Variants in GON4L observed in about 807,000 individuals in gnomAD.
GON4L encodes the protein gon-4 like, also known as GON-4-like protein.
GON4L carries 87 observed loss-of-function variants against 211.8 expected under a neutral mutation model. The observed-to-expected ratio is 0.41, with a 90% CI of 0.35 to 0.49. GON4L has a LOEUF of 0.49. Ranked by LOEUF, GON4L falls within the 20% of genes least tolerant of loss-of-function variation. The pLI, the probability that GON4L is intolerant of heterozygous loss-of-function variation, is 0.15. For missense variants in GON4L, 2,155 were observed against 2,659.5 expected (o/e 0.81, Z 4.17); for synonymous variants, 875 against 962.6 (o/e 0.91, Z 1.68).
At chr1:155,790,454 C>A (rs1390275418) in intron 12 of GON4L, among the ~76,000 whole-genome samples, 1 of 149,612 alleles carries the variant, frequency 6.7e-6, no homozygotes, top group Non-Finnish European at 1.5e-5. Flanking sequence ...TGTCGCCCAG[C>A]CGATCTCAAA....
At chr1:155,843,386 A>G (rs1179194802) in intron 2 of GON4L, among the ~76,000 whole-genome samples, 1 of 152,010 alleles carries the variant, frequency 6.6e-6, no homozygotes, top group Non-Finnish European at 1.5e-5. Context: ...AAACCTCCTA[A>G]TTGGCCATAG....
intron 11 of GON4L, among the ~76,000 whole-genome samples, chr1:155,799,158 G>C (rs890240243): frequency 1.3e-5 from 2 of 152,262 alleles, no homozygotes; most frequent in Admixed American, 6.5e-5. Flanking sequence ...GAAGTTGCTG[G>C]GCGTGGTGGC....
Position 155,789,593 on chromosome 1 carries a change from T to C in GON4L, c.1748-4219A>G, listed in dbSNP as rs552967692. On this transcript the variant is annotated intron_variant, in intron 12 of 31. Coordinates refer to ENST00000368331, the MANE Select transcript of GON4L (RefSeq NM_001282860.2). ...GAGTTCAAGACCAACCCATGCAACATAGACCTTGTCTGAATTTAAAAAAAA... is the reference window on the plus strand; with the variant it reads ...GAGTTCAAGACCAACCCATGCAACACAGACCTTGTCTGAATTTAAAAAAAA... 1.8e-4 allele frequency among the ~76,000 whole-genome samples: 28 copies of C among 151,544 alleles called. No individual in the cohort carries two copies. The East Asian group carries it at 4.1e-3, about 22-fold the overall frequency.
At chr1:155,795,845 C>T (rs1666019986) in intron 11 of GON4L, among the ~76,000 whole-genome samples, 2 of 152,160 alleles carry the variant, frequency 1.3e-5, no homozygotes, top group African/African-American at 4.8e-5. Flanking sequence ...GGTATGTTGC[C>T]CAGACTGGTC....
chr1:155,756,048 G>A (rs986731797), intron 27 of GON4L, among the ~76,000 whole-genome samples: 2 of 151,666 alleles, frequency 1.3e-5, no homozygotes, highest in Admixed American at 6.6e-5. Flanking sequence ...GCTTACCTGA[G>A]GAGTTCATAT....
intron 8 of GON4L, among the ~76,000 whole-genome samples, chr1:155,815,411 A>C (rs1037859875): frequency 6.6e-6 from 1 of 152,146 alleles, no homozygotes; most frequent in African/African-American, 2.4e-5. Flanking sequence ...ATACATATTG[A>C]GGTGATACAA....
At chr1:155,855,380 A>G (rs140658460) in intron 1 of GON4L, among the ~76,000 whole-genome samples, 116 of 151,872 alleles carry the variant, frequency 7.6e-4, no homozygotes, top group Middle Eastern at 3.4e-3. Flanking sequence ...TTTTTGAAAC[A>G]AGGTCTTGCT....
In GON4L at chr1:155,826,867, T is replaced by G. The variant is rs372287778; in HGVS notation, c.667A>C (p.Ile223Leu). Residue 223 changes from isoleucine to leucine, a missense_variant, in exon 3 of 32, where the codon ATA (isoleucine) becomes CTA (leucine). Coordinates refer to ENST00000368331, the MANE Select transcript of GON4L (RefSeq NM_001282860.2). The part of the protein sequence containing the change: ...RTLFHQPEEE[I>L]EDGGLFIPME... ...GGAATGAAGAGTCCACCATCTTCTA[T>G]CTCTTCCTCAGGTTGGTGAAACAGA... 1.7e-5 allele frequency: 28 copies of G among 1,612,646 alleles called. No homozygotes were observed. The highest frequency in any genetic ancestry group is 1.0e-5 in the Non-Finnish European group (12 of 1,178,822).
intron 13 of GON4L, 85 bp from the exon 14 acceptor site, chr1:155,784,174 T>C (rs1664697887): frequency 1.9e-6 from 3 of 1,549,750 alleles, no homozygotes; most frequent in East Asian, 4.5e-5. Context: ...GTGAAAACTA[T>C]AGATTACAAG....
In GON4L at chr1:155,750,709, T is replaced by C. The variant is rs1660475331; in HGVS notation, c.6601A>G (p.Met2201Val). ...TCACAGGCAGTGTGGAAGAGCTGCA[T>C]GAGTTCTCGAAAACGGTGGGAAACC... ...AEVSHRFRELMQLFHTACEAS... is the reference protein window; with the variant it reads ...AEVSHRFRELVQLFHTACEAS... The change falls in exon 32 of 32, where the codon ATG becomes GTG. Residue 2201 changes from methionine (M) to valine (V), a missense_variant. Physicochemically the swap from Met to Val is conservative, Grantham distance 21. Coordinates refer to ENST00000368331, the MANE Select transcript of GON4L (RefSeq NM_001282860.2). The C allele has an allele frequency of 6.3e-7, 1 of 1,587,542 alleles. No homozygotes were observed. Among genetic ancestry groups the C allele is most frequent in the East Asian group, 2.3e-5 (1 of 43,786 alleles).
rs1039633837 is a variant in GON4L, at chr1:155,766,251, A to G, written c.3222T>C (p.Ala1074=). The G allele has an allele frequency of 1.9e-6, 3 of 1,614,068 alleles. No homozygotes were observed. In the African/African-American group the frequency reaches 4.0e-5, roughly 22 times the overall value. ...ESFESPAALP[A]VPPEARTSFP... ...AGCTTGTCCTGGCCTCAGGGGGCAC[A>G]GCAGGCAGTGCTGCAGGAGACTCAA... The change falls in exon 21 of 32, where the codon GCT becomes GCC. Residue 1074 remains alanine (A), a synonymous_variant. Transcript: ENST00000368331.
At chr1:155,785,097 T>G in intron 13 of GON4L, 1 of 574,590 alleles carries the variant, frequency 1.7e-6, no homozygotes, top group Non-Finnish European at 3.3e-6. Context: ...AAGAACCCCC[T>G]CAAACAAAAA....
At chr1:155,840,154 T>C (rs930146008) in intron 2 of GON4L, among the ~76,000 whole-genome samples, 6 of 152,234 alleles carry the variant, frequency 3.9e-5, no homozygotes, top group Admixed American at 2.0e-4. Flanking sequence ...TTTCTTGACA[T>C]GTCTAAATTT....
Position 155,766,613 on chromosome 1 carries a change from G to A in GON4L, c.2860C>T (p.Arg954Ter). The change falls in exon 21 of 32, where the codon CGA becomes TGA. Residue 954 changes from arginine (R) to a stop codon, truncating the protein, a stop_gained. Transcript: ENST00000368331. LOFTEE classifies it high-confidence loss of function. ...MTGTTEINSD[R>*]SLEKDNLELG... ...TCCAAATTGTCTTTTTCTAGGCTTC[G>A]ATCTGAGTTGATCTCAGTGGTTCCA... The A allele has an allele frequency of 6.2e-7, 1 of 1,614,100 alleles. No individual in the cohort carries two copies. Among genetic ancestry groups the A allele is most frequent in the Non-Finnish European group, 8.5e-7 (1 of 1,180,020 alleles).
At chr1:155,833,753 G>GGGGAGGAA (rs1332500911) in intron 2 of GON4L, among the ~76,000 whole-genome samples, 1 of 125,702 alleles carries the variant, frequency 8.0e-6, no homozygotes, top group Non-Finnish European at 1.7e-5. Flanking sequence ...GAGAGGAGGA[G>GGGGAGGAA]GGGAGGAAGG....
At chr1:155,790,227 G>C (rs906017377) in intron 12 of GON4L, among the ~76,000 whole-genome samples, 3 of 151,976 alleles carry the variant, frequency 2.0e-5, no homozygotes, top group African/African-American at 7.3e-5. Context: ...AGCCTCCTTA[G>C]TAGCTGGGAC....
chr1:155,787,908 C>T (rs1665123820), intron 12 of GON4L, among the ~76,000 whole-genome samples: 1 of 152,178 alleles, frequency 6.6e-6, no homozygotes, highest in African/African-American at 2.4e-5. Context: ...AGTACCACTG[C>T]ACTCCAGCCT....
At chr1:155,748,867 A>G, downstream of GON4L, 1 of 1,384,918 alleles carries the variant, frequency 7.2e-7, no homozygotes, top group African/African-American at 1.4e-5. Context: ...CGGGCATTCT[A>G]ATGATGTTGT....
chr1:155,807,357 A>G (rs1408580815), intron 10 of GON4L, among the ~76,000 whole-genome samples: 1 of 152,076 alleles, frequency 6.6e-6, no homozygotes, highest in Non-Finnish European at 1.5e-5. Flanking sequence ...AGCTGAGATC[A>G]TACCACTGCA....
Sources: gnomAD v4.1 joint callset for allele counts (sites outside exome capture counted in the v4.1 genomes callset) on GRCh38, gnomAD v4.1.1 for gene constraint, MANE v1.5 for transcripts, NCBI Gene and HGNC (gene_info 2026-07-23, HGNC 2026-07-21) for gene names.